NKAIN2: variants seen among roughly 807,000 people sequenced by gnomAD.
NKAIN2 encodes sodium/potassium transporting ATPase interacting 2, also known as sodium/potassium-transporting ATPase subunit beta-1-interacting protein 2.
In NKAIN2, 14 loss-of-function variants were observed where a neutral mutation model predicts 32.6. That is an observed-to-expected ratio of 0.43 (90% CI 0.28 to 0.67). NKAIN2 has a LOEUF of 0.67. Among genes scored for constraint, NKAIN2 ranks in the 30% least tolerant of loss-of-function variants. The pLI, the probability that NKAIN2 is intolerant of heterozygous loss-of-function variation, is 0.17. For synonymous variants in NKAIN2, 80 were observed against 87.2 expected, an observed-to-expected ratio of 0.92 and a Z score of 0.46; for missense variants, 198 against 258.3, an observed-to-expected ratio of 0.77 and a Z score of 1.60.
chr6:123,858,929 A>G (rs1775669049), intron 1 of NKAIN2, among the ~76,000 whole-genome samples: 1 of 152,194 alleles, frequency 6.6e-6, no homozygotes, highest in Admixed American at 6.5e-5. Context: ...TCATTCTTAT[A>G]CAAAGGATAA....
intron 1 of NKAIN2, among the ~76,000 whole-genome samples, chr6:124,134,403 C>G (rs894793092): frequency 2.8e-4 from 42 of 152,014 alleles, no homozygotes; most frequent in African/African-American, 1.0e-3. Flanking sequence ...AATTGGTGTT[C>G]TTAAGGGCAC....
chr6:123,825,164 A>G (rs1229235139), intron 1 of NKAIN2, among the ~76,000 whole-genome samples: 1 of 152,082 alleles, frequency 6.6e-6, no homozygotes, highest in African/African-American at 2.4e-5. Context: ...AATCCCATTC[A>G]TGAGTGCCCT....
At chr6:124,102,917 C>G (rs1784958580) in intron 1 of NKAIN2, among the ~76,000 whole-genome samples, 1 of 152,034 alleles carries the variant, frequency 6.6e-6, no homozygotes, top group Non-Finnish European at 1.5e-5. Context: ...GTGATCAAAA[C>G]ATCTTGTTTT....
chr6:124,717,608 CAAT>C (rs1775812514), intron 4 of NKAIN2, among the ~76,000 whole-genome samples: 1 of 151,970 alleles, frequency 6.6e-6, no homozygotes, highest in Admixed American at 6.6e-5. Context: ...GTAATTATAA[CAAT>C]AATAAGCCTT....
chr6:123,975,677 A>G (rs1778533415), intron 1 of NKAIN2, among the ~76,000 whole-genome samples: 2 of 152,096 alleles, frequency 1.3e-5, no homozygotes, highest in African/African-American at 4.8e-5. Flanking sequence ...CATAAGTGGC[A>G]CCTTCTTGCT....
At chr6:124,686,038 T>C (rs1421012123) in intron 4 of NKAIN2, among the ~76,000 whole-genome samples, 1 of 152,052 alleles carries the variant, frequency 6.6e-6, no homozygotes, top group African/African-American at 2.4e-5. Context: ...CTCACTGAGA[T>C]TGTTGGCAGA....
At chr6:124,647,670 T>A (rs896695004) in intron 3 of NKAIN2, among the ~76,000 whole-genome samples, 3 of 151,864 alleles carry the variant, frequency 2.0e-5, no homozygotes, top group African/African-American at 7.3e-5. Context: ...AAAGAAAGAA[T>A]GGAAACAGGT....
rs186856569 is a variant in NKAIN2, at chr6:124,822,526, A to G, written c.618-694A>G. On this transcript the variant is annotated intron_variant, in intron 6 of 6. Coordinates refer to ENST00000368417, the MANE Select transcript of NKAIN2 (RefSeq NM_001040214.3). ...AGATCCTGGACAAAGCTTTGAAAAC[A>G]CTGCTGTAACTGACCTACAGTCACA... Among the ~76,000 whole-genome samples, 633 of 152,312 alleles carry G rather than the reference A, an allele frequency of 4.2e-3. 4 individuals carry two copies. The highest frequency in any genetic ancestry group is 0.01 in the Middle Eastern group (3 of 294).
chr6:124,757,831 A>C (rs1778037485), intron 4 of NKAIN2, among the ~76,000 whole-genome samples: 1 of 152,188 alleles, frequency 6.6e-6, no homozygotes, highest in Admixed American at 6.5e-5. Flanking sequence ...TCTTAAACAG[A>C]ATGGGCTCAA....
chr6:124,630,878 A>G (rs997075261), intron 3 of NKAIN2, among the ~76,000 whole-genome samples: 2 of 152,216 alleles, frequency 1.3e-5, no homozygotes, highest in African/African-American at 4.8e-5. Context: ...GGAGTCAGAC[A>G]TGTCAAGTTT....
intron 1 of NKAIN2, among the ~76,000 whole-genome samples, chr6:124,262,066 C>T (rs1794279729): frequency 6.6e-6 from 1 of 152,044 alleles, no homozygotes; most frequent in Admixed American, 6.5e-5. Context: ...AGGTGTTATT[C>T]ACACCTGTTT....
chr6:124,273,937 G>A lies in NKAIN2; in HGVS notation c.55-9068G>A, dbSNP rs952076444. 5.9e-5 allele frequency among the ~76,000 whole-genome samples: 9 copies of A among 152,096 alleles called. 1 individual carries two copies. The highest frequency in any genetic ancestry group is 5.9e-4 in the Admixed American group (9 of 15,262). ...AACAGCTGTCATTTTGATATGTTCTGGTTCTTCTGAGAAGTTAGATTTCCA... is the reference window on the plus strand; with the variant it reads ...AACAGCTGTCATTTTGATATGTTCTAGTTCTTCTGAGAAGTTAGATTTCCA... On this transcript the variant is annotated intron_variant, in intron 1 of 6. Transcript: ENST00000368417.
intron 3 of NKAIN2, among the ~76,000 whole-genome samples, chr6:124,475,299 C>G (rs1208078167): frequency 1.3e-5 from 2 of 152,146 alleles, no homozygotes; most frequent in African/African-American, 2.4e-5. Context: ...GAGCACATAT[C>G]TCTAGTTTCT....
chr6:124,144,720 C>T (rs1024457431), intron 1 of NKAIN2, among the ~76,000 whole-genome samples: 1 of 151,834 alleles, frequency 6.6e-6, no homozygotes, highest in Non-Finnish European at 1.5e-5. Flanking sequence ...AATCTAGGGG[C>T]AGGCATAAAG....
intron 4 of NKAIN2, among the ~76,000 whole-genome samples, chr6:124,686,091 G>C (rs1290045174): frequency 6.6e-6 from 1 of 152,090 alleles, no homozygotes; most frequent in Non-Finnish European, 1.5e-5. Flanking sequence ...TTTGGTTTCT[G>C]GTTGGCTGTC....
intron 1 of NKAIN2, among the ~76,000 whole-genome samples, chr6:123,900,532 GTTTTTTTTTTTTTTTTT>G (rs34370743): frequency 0.015 from 500 of 32,782 alleles, 9 homozygotes; most frequent in South Asian, 0.046. Flanking sequence ...CTCCAGATTA[GTTTTTTTTTTTTTTTTT>G]TTTTTTTTTT....
chr6:124,640,182 A>G (rs752293023), intron 3 of NKAIN2, among the ~76,000 whole-genome samples: 1 of 151,950 alleles, frequency 6.6e-6, no homozygotes, highest in Non-Finnish European at 1.5e-5. Flanking sequence ...TCGAAAAATG[A>G]TAATGACAGT....
chr6:124,579,178 C>T (rs1781436879), intron 3 of NKAIN2, among the ~76,000 whole-genome samples: 1 of 152,194 alleles, frequency 6.6e-6, no homozygotes, highest in South Asian at 2.1e-4. Flanking sequence ...AAATACCTAA[C>T]TCTTCAATGC....
chr6:124,243,804 T>C (rs2114783607), intron 1 of NKAIN2, among the ~76,000 whole-genome samples: 1 of 152,258 alleles, frequency 6.6e-6, no homozygotes, highest in South Asian at 2.1e-4. Flanking sequence ...TTCTTATCTA[T>C]AGTAGATGTT....
Sources: gnomAD v4.1 joint callset for allele counts (sites outside exome capture counted in the v4.1 genomes callset) on GRCh38, gnomAD v4.1.1 for gene constraint, MANE v1.5 for transcripts, NCBI Gene and HGNC (gene_info 2026-07-23, HGNC 2026-07-21) for gene names.